The following KIAA1958 variants were observed in gnomAD, a reference collection of about 807,000 sequenced individuals.
KIAA1958 encodes the protein KIAA1958.
A neutral mutation model predicts 47.2 loss-of-function variants in KIAA1958; 14 were observed. The ratio of observed to expected loss-of-function variants is 0.30; its 90% CI spans 0.20 to 0.46. The LOEUF (loss-of-function observed/expected upper bound fraction) is 0.46, where lower values mean the gene tolerates loss of function less well. Among genes scored for constraint, KIAA1958 ranks in the 20% least tolerant of loss-of-function variants. The pLI is 1.00. For missense variants in KIAA1958, 803 were observed against 909.2 expected (o/e 0.88, Z 1.50); for synonymous variants, 354 against 353.3 (o/e 1.00, Z -0.02).
At chr9:112,526,343 T>C (rs1834651412) in intron 1 of KIAA1958, among the ~76,000 whole-genome samples, 1 of 151,976 alleles carries the variant, frequency 6.6e-6, no homozygotes, top group African/African-American at 2.4e-5. Flanking sequence ...ACTCTCCACC[T>C]CCTGGGTTCA....
chr9:112,655,362 G>A (rs1837131528), intron 3 of KIAA1958, among the ~76,000 whole-genome samples: 1 of 152,020 alleles, frequency 6.6e-6, no homozygotes, highest in Admixed American at 6.6e-5. Flanking sequence ...CCCATAATGC[G>A]TTGACTGTAT....
intron 2 of KIAA1958, among the ~76,000 whole-genome samples, chr9:112,587,831 T>A (rs968294123): frequency 6.6e-6 from 1 of 152,216 alleles, no homozygotes; most frequent in African/African-American, 2.4e-5. Flanking sequence ...TTGTTTTCAA[T>A]TCTTCCAAAA....
intron 1 of KIAA1958, among the ~76,000 whole-genome samples, chr9:112,533,251 C>T (rs115446626): frequency 0.012 from 1,891 of 151,592 alleles, 37 homozygotes; most frequent in African/African-American, 0.043. Flanking sequence ...TGAAGGAGTA[C>T]CTCGAACTGG....
Position 112,668,249 on chromosome 9 carries a change from G to T in KIAA1958, c.*8180G>T. 1 of 152,254 alleles carries T rather than the reference G, an allele frequency of 6.6e-6. No homozygotes were observed. 9.4% of individuals were successfully genotyped at this position (152,254 alleles called of 1,614,324 possible). ...CATGCTCAAACGCAGAACTAAAAAT[G>T]GGTATAAAGTCAGAAAATTGCAGAA... On this transcript the variant is annotated 3_prime_UTR_variant, in exon 4 of 4. Coordinates refer to ENST00000337530, the MANE Select transcript of KIAA1958 (RefSeq NM_133465.4).
chr9:112,543,747 A>G (rs1260691831), intron 1 of KIAA1958, among the ~76,000 whole-genome samples: 2 of 151,634 alleles, frequency 1.3e-5, no homozygotes, highest in East Asian at 1.9e-4. Context: ...CTAATTTTGT[A>G]TTTTTAGTAG....
intron 1 of KIAA1958, among the ~76,000 whole-genome samples, chr9:112,571,946 A>G (rs376277662): frequency 7.3e-5 from 11 of 151,630 alleles, no homozygotes; most frequent in African/African-American, 2.7e-4. Flanking sequence ...CATGAAAGGA[A>G]CATAAATAAG....
chr9:112,620,497 A>C (rs527362932), intron 2 of KIAA1958, among the ~76,000 whole-genome samples: 22 of 152,362 alleles, frequency 1.4e-4, no homozygotes, highest in African/African-American at 4.8e-4. Flanking sequence ...TCCAACACCA[A>C]GTCATAAGCA....
intron 2 of KIAA1958, among the ~76,000 whole-genome samples, chr9:112,591,523 T>G (rs1835920999): frequency 6.6e-6 from 1 of 152,218 alleles, no homozygotes; most frequent in South Asian, 2.1e-4. Flanking sequence ...AAGTATTTAT[T>G]TTTAATTCAA....
intron 2 of KIAA1958, among the ~76,000 whole-genome samples, chr9:112,604,373 G>A (rs999669111): frequency 1.3e-5 from 2 of 152,130 alleles, no homozygotes; most frequent in African/African-American, 4.8e-5. Context: ...AAAACTTTTC[G>A]ATCTGTCGGC....
chr9:112,499,056 T>C (rs1480569086), intron 1 of KIAA1958, among the ~76,000 whole-genome samples: 2 of 152,226 alleles, frequency 1.3e-5, no homozygotes, highest in Admixed American at 1.3e-4. Flanking sequence ...ATCCATGTTG[T>C]GGCAAATGGT....
At chr9:112,651,111 A>G (rs1169919439) in intron 3 of KIAA1958, among the ~76,000 whole-genome samples, 2 of 152,230 alleles carry the variant, frequency 1.3e-5, no homozygotes, top group African/African-American at 4.8e-5. Flanking sequence ...GGTAATTTAT[A>G]GAACAAGTAG....
chr9:112,605,991 A>C (rs926810093), intron 2 of KIAA1958, among the ~76,000 whole-genome samples: 3 of 152,210 alleles, frequency 2.0e-5, no homozygotes, highest in African/African-American at 7.2e-5. Context: ...AAATTCCACA[A>C]ATGCAAGACT....
intron 2 of KIAA1958, among the ~76,000 whole-genome samples, chr9:112,597,714 AT>A (rs1214692089): frequency 6.6e-6 from 1 of 152,240 alleles, no homozygotes; most frequent in Admixed American, 6.5e-5. Flanking sequence ...AATGCCTACC[AT>A]GTTGAGATGC....
intron 2 of KIAA1958, among the ~76,000 whole-genome samples, chr9:112,609,472 A>G (rs1836287766): frequency 6.6e-6 from 1 of 152,236 alleles, no homozygotes; most frequent in South Asian, 2.1e-4. Context: ...TTATGTGACT[A>G]GAAAAGGATG....
chr9:112,594,599 T>C (rs1047536052), intron 2 of KIAA1958, among the ~76,000 whole-genome samples: 35 of 152,232 alleles, frequency 2.3e-4, no homozygotes, highest in African/African-American at 7.5e-4. Context: ...CATACACAGA[T>C]ACATCACACT....
At chr9:112,617,021 G>A (rs1564191495) in intron 2 of KIAA1958, among the ~76,000 whole-genome samples, 1 of 152,204 alleles carries the variant, frequency 6.6e-6, no homozygotes, top group Non-Finnish European at 1.5e-5. Flanking sequence ...AGCAATCTGT[G>A]AAGACAGCTA....
chr9:112,561,492 C>T (rs1453211504), intron 1 of KIAA1958, among the ~76,000 whole-genome samples: 2 of 152,190 alleles, frequency 1.3e-5, no homozygotes, highest in African/African-American at 2.4e-5. Context: ...TCCCCAGTGC[C>T]TAGTGGCCCA....
chr9:112,512,145 A>T (rs1423831775), intron 1 of KIAA1958, among the ~76,000 whole-genome samples: 1 of 152,198 alleles, frequency 6.6e-6, no homozygotes, highest in Non-Finnish European at 1.5e-5. Context: ...GAAATTAAAG[A>T]GGAGAGAATA....
chr9:112,490,434 T>C (rs1403398748), intron 1 of KIAA1958, among the ~76,000 whole-genome samples: 1 of 152,230 alleles, frequency 6.6e-6, no homozygotes, highest in East Asian at 1.9e-4. Context: ...AGTTGATTTA[T>C]GGACTTTATT....
Sources: allele counts gnomAD v4.1 joint callset (sites outside exome capture counted in the v4.1 genomes callset), GRCh38; gene constraint gnomAD v4.1.1; transcripts MANE v1.5; gene names NCBI Gene and HGNC (gene_info 2026-07-23, HGNC 2026-07-21).